FANCD2OS: variants seen among roughly 807,000 people sequenced by gnomAD.
FANCD2OS encodes FANCD2 opposite strand, also known as FANCD2 opposite strand protein.
In FANCD2OS, 11 loss-of-function variants were observed where a neutral mutation model predicts 13.2. The observed-to-expected ratio is 0.83, with a 90% CI of 0.52 to 1.38. FANCD2OS has a LOEUF of 1.38. Among genes scored for constraint, FANCD2OS ranks in the 40% most tolerant of loss-of-function variants. The probability of loss-of-function intolerance (pLI) is 0.00; values close to 1 mark genes in which losing one functional copy is unlikely to be tolerated. For synonymous variants in FANCD2OS, 69 were observed against 84.5 expected, an observed-to-expected ratio of 0.82 and a Z score of 1.01; for missense variants, 217 against 213.9, an observed-to-expected ratio of 1.01 and a Z score of -0.09.
At position 10,104,436 on chromosome 3, in the gene FANCD2OS, C is replaced by T; in HGVS notation, c.339G>A (p.Lys113=). 1 of 1,614,196 alleles carries T rather than the reference C, an allele frequency of 6.2e-7. No homozygotes were observed. Among genetic ancestry groups the T allele is most frequent in the Non-Finnish European group, 8.5e-7 (1 of 1,180,030 alleles). Residue 113 remains lysine (K), a synonymous_variant, in exon 2 of 2, where the codon AAG becomes AAA. Transcript: ENST00000450660. ...CTGAAACTCTGAAAGTCCCGGTCCA[C>T]TTTGGTGGCTGAGCTGTGATAACCC... ...FGRVITAQPP[K]WTGTFRVSDK...
In FANCD2OS at chr3:10,104,429, C is replaced by T. The variant is rs201914454; in HGVS notation, c.346G>A (p.Gly116Arg). Residue 116 changes from glycine to arginine, a missense_variant, in exon 2 of 2, where the codon GGG becomes AGG. Coordinates refer to ENST00000450660, the MANE Select transcript of FANCD2OS (RefSeq NM_001164839.2). The stretch of plus-strand genomic sequence containing the variant: ...GACTTGTCTGAAACTCTGAAAGTCC[C>T]GGTCCACTTTGGTGGCTGAGCTGTG... Reference protein sequence around the residue: ...VITAQPPKWTGTFRVSDKSAF... With the variant: ...VITAQPPKWTRTFRVSDKSAF... 4.4e-5 allele frequency: 71 copies of T among 1,614,066 alleles called. No individual in the cohort carries two copies. Among genetic ancestry groups the T allele is most frequent in the Middle Eastern group, 3.3e-4 (2 of 6,082 alleles).
intron 2 of FANCD2OS, chr3:10,090,441 T>A: frequency 1.3e-6 from 1 of 788,006 alleles, no homozygotes; most frequent in Non-Finnish European, 2.0e-6. Flanking sequence ...TGGAAGTTGC[T>A]GATTTTTTTT....
chr3:10,083,609 C>T (rs1371282801), intron 2 of FANCD2OS: 3 of 152,260 alleles, frequency 2.0e-5, no homozygotes, highest in African/African-American at 7.2e-5. Flanking sequence ...CGTCCACCGA[C>T]CAGGCGCAGT....
chr3:10,087,400 AC>A, intron 2 of FANCD2OS: 1 of 798,340 alleles, frequency 1.3e-6, no homozygotes, highest in Non-Finnish European at 2.0e-6. Context: ...CTCTTGCTAT[AC>A]CAAGAAGGTC....
intron 2 of FANCD2OS, among the ~76,000 whole-genome samples, chr3:10,087,690 C>G (rs866707895): frequency 2.2e-4 from 33 of 152,030 alleles, no homozygotes; most frequent in South Asian, 4.1e-4. Flanking sequence ...TTCTGTCACC[C>G]AGGCTGGAGT....
intron 2 of FANCD2OS, chr3:10,088,596 C>CT: frequency 7.6e-7 from 1 of 1,307,446 alleles, no homozygotes; most frequent in African/African-American, 1.4e-5. Flanking sequence ...TATTTTGCTA[C>CT]TGTTGTTTGT....
chr3:10,090,250 G>T, intron 2 of FANCD2OS: 2 of 1,426,308 alleles, frequency 1.4e-6, no homozygotes, highest in South Asian at 2.3e-5. Flanking sequence ...GTTCTAAGCA[G>T]TGCATCATGG....
chr3:10,091,622 T>C (rs561037559), intron 2 of FANCD2OS, among the ~76,000 whole-genome samples: 26 of 152,030 alleles, frequency 1.7e-4, no homozygotes, highest in Non-Finnish European at 2.9e-4. Flanking sequence ...TCATGCCAGT[T>C]AGCAGGAGGC....
chr3:10,104,023 G>T lies in FANCD2OS; in HGVS notation c.*218C>A. On this transcript the variant is annotated 3_prime_UTR_variant, in exon 2 of 2. Coordinates refer to ENST00000450660, the MANE Select transcript of FANCD2OS (RefSeq NM_001164839.2). ...GTCAATGCTAGTTTGACTCTAAATGGTTCAACCTTACAATGGGAATGTTCT... is the reference window on the plus strand; with the variant it reads ...GTCAATGCTAGTTTGACTCTAAATGTTTCAACCTTACAATGGGAATGTTCT... The T allele has an allele frequency of 1.8e-6, 1 of 554,394 alleles. No individual in the cohort carries two copies. Among genetic ancestry groups the T allele is most frequent in the Non-Finnish European group, 3.2e-6 (1 of 317,142 alleles). The allele number at this position is 554,394 out of a possible 1,614,324, so 34.3% of individuals were successfully genotyped here.
At chr3:10,091,790 G>C (rs1694625534) in intron 2 of FANCD2OS, among the ~76,000 whole-genome samples, 1 of 152,144 alleles carries the variant, frequency 6.6e-6, no homozygotes, top group Non-Finnish European at 1.5e-5. Context: ...TTGGACCCAA[G>C]ACATAGAAGA....
downstream of FANCD2OS, chr3:10,101,180 C>G: frequency 1.2e-6 from 2 of 1,607,728 alleles, no homozygotes; most frequent in Non-Finnish European, 8.5e-7. Context: ...TTATTCTTTG[C>G]CCCTTAGGAT....
chr3:10,106,967 A>G (rs1695511246), intron 1 of FANCD2OS, among the ~76,000 whole-genome samples: 1 of 152,202 alleles, frequency 6.6e-6, no homozygotes, highest in African/African-American at 2.4e-5. Context: ...AATGGTTAGT[A>G]TAGGGGGATT....
intron 2 of FANCD2OS, among the ~76,000 whole-genome samples, chr3:10,097,405 G>A (rs751981960): frequency 6.6e-6 from 1 of 152,156 alleles, no homozygotes; most frequent in Non-Finnish European, 1.5e-5. Context: ...ACCCGGGGGG[G>A]CCCAGTTCAG....
chr3:10,099,002 T>A (rs1407330440), downstream of FANCD2OS: 5 of 1,613,652 alleles, frequency 3.1e-6, no homozygotes, highest in South Asian at 5.5e-5. Context: ...AACGACACAA[T>A]CTTAGAATCA....
intron 2 of FANCD2OS, chr3:10,095,145 A>G: frequency 6.9e-7 from 1 of 1,440,810 alleles, no homozygotes; most frequent in Non-Finnish European, 9.8e-7. Flanking sequence ...GGTATCTTGA[A>G]TCTAAAATGA....
At chr3:10,094,093 G>T (rs1477756518) in intron 2 of FANCD2OS, among the ~76,000 whole-genome samples, 1 of 152,032 alleles carries the variant, frequency 6.6e-6, no homozygotes, top group Non-Finnish European at 1.5e-5. Context: ...CCTAATTCTG[G>T]GGCTTAGTTA....
chr3:10,085,075 TAGG>T (rs1348378239), intron 2 of FANCD2OS, among the ~76,000 whole-genome samples: 4 of 152,144 alleles, frequency 2.6e-5, no homozygotes, highest in Non-Finnish European at 5.9e-5. Context: ...CTCATTAATG[TAGG>T]AGAAGGGGTA....
At chr3:10,081,932 A>C (rs1375159361) in intron 2 of FANCD2OS, among the ~76,000 whole-genome samples, 1 of 152,176 alleles carries the variant, frequency 6.6e-6, no homozygotes. Flanking sequence ...GTGCCCCTTA[A>C]ATACTTTTGT....
chr3:10,098,959 G>A (rs1156984983), downstream of FANCD2OS: 1 of 1,614,126 alleles, frequency 6.2e-7, no homozygotes, highest in Admixed American at 1.7e-5. Flanking sequence ...AACAGCTTCT[G>A]TGCTTATATA....
Sources: gnomAD v4.1 joint callset for allele counts (sites outside exome capture counted in the v4.1 genomes callset) on GRCh38, gnomAD v4.1.1 for gene constraint, MANE v1.5 for transcripts, NCBI Gene and HGNC (gene_info 2026-07-23, HGNC 2026-07-21) for gene names.